EVC: variants seen among roughly 807,000 people sequenced by gnomAD.
The protein encoded by EVC is evC complex member EVC.
A neutral mutation model predicts 118.9 loss-of-function variants in EVC; 116 were observed. The ratio of observed to expected loss-of-function variants is 0.98; its 90% CI spans 0.84 to 1.14. The LOEUF is 1.14. EVC is among the 50% of genes most tolerant of loss of function. EVC has a pLI of 0.00. For missense variants in EVC, 1,401 were observed against 1,246.4 expected (o/e 1.12, Z -1.87); for synonymous variants, 619 against 534.7 (o/e 1.16, Z -2.18).
At chr4:5,745,391 G>C (rs144142557) in intron 7 of EVC, 50 bp downstream of exon 7, 1 of 1,594,854 alleles carries the variant, frequency 6.3e-7, no homozygotes, top group Non-Finnish European at 8.6e-7. Flanking sequence ...TCCTAAAACA[G>C]TTAAATTGGC....
chr4:5,756,412 G>A lies in EVC; in HGVS notation c.1563+50G>A, dbSNP rs1472717138. On this transcript the variant is annotated intron_variant, in intron 11 of 20. Transcript: ENST00000264956. The surrounding 1 kb of genome is among the most constrained non-coding windows in gnomAD (Gnocchi z 4.2). ...CAGAGAAGCCCCAGGGTCTGTGTGT[G>A]TGCGAGAACCTCACATCCTCCTGGC... 2 of 1,488,092 alleles carry A rather than the reference G, an allele frequency of 1.3e-6. No homozygotes were observed. Among genetic ancestry groups the A allele is most frequent in the Admixed American group, 1.9e-5 (1 of 52,412 alleles). The allele number at this position is 1,488,092 out of a possible 1,614,324, so 92.2% of individuals were successfully genotyped here. A position where few individuals can be genotyped will look rare whatever the true frequency, so the allele number is the denominator to read the frequency against.
At chr4:5,771,069 A>C (rs1733875095) in intron 11 of EVC, among the ~76,000 whole-genome samples, 3 of 152,158 alleles carry the variant, frequency 2.0e-5, no homozygotes, top group Admixed American at 2.0e-4. Flanking sequence ...GTCATTCTGA[A>C]GATGTCATAT....
downstream of EVC, among the ~76,000 whole-genome samples, chr4:5,816,486 C>T (rs186701476): frequency 6.6e-6 from 1 of 152,306 alleles, no homozygotes; most frequent in Admixed American, 6.5e-5. Context: ...GCCTGGGCCC[C>T]AGGACTTCTT....
rs1433555910 is a variant in EVC at position 5,738,878 on chromosome 4, T to C, written c.703-2838T>C. On this transcript the variant is annotated intron_variant, in intron 5 of 20. Transcript: ENST00000264956. This position sits in a 1 kb window ranked among gnomAD's most constrained non-coding sequence, Gnocchi z 6.5. Reference sequence around the variant, plus strand: ...ACCGCACCCAGCCCAACAACTTTTTTTTAATAATCATCTTAGGCTCAGATG... The same window carrying C: ...ACCGCACCCAGCCCAACAACTTTTTCTTAATAATCATCTTAGGCTCAGATG... Among the ~76,000 whole-genome samples, 1 of 152,188 alleles carries C rather than the reference T, an allele frequency of 6.6e-6. No homozygotes were observed. Among genetic ancestry groups the C allele is most frequent in the Non-Finnish European group, 1.5e-5 (1 of 68,038 alleles).
At position 5,777,486 on chromosome 4, in the gene EVC, A is replaced by G. The variant is rs938030476; in HGVS notation, c.1564-6066A>G. Among the ~76,000 whole-genome samples, 10 of 152,106 alleles carry G rather than the reference A, an allele frequency of 6.6e-5. No homozygotes were observed. In the South Asian group the frequency reaches 2.1e-3, roughly 32 times the overall value. On this transcript the variant is annotated intron_variant, in intron 11 of 20. Coordinates refer to ENST00000264956, the MANE Select transcript of EVC (RefSeq NM_153717.3). ...CTGTTCAGCCATCCCCTCTGAATCA[A>G]CCAACACTCCCTAGGTAAAAGCCGC...
At chr4:5,780,062 A>C (rs1735339804) in intron 11 of EVC, among the ~76,000 whole-genome samples, 1 of 152,122 alleles carries the variant, frequency 6.6e-6, no homozygotes, top group African/African-American at 2.4e-5. Context: ...GGGTTGTTGA[A>C]TTTTGTCAAA....
intron 12 of EVC, among the ~76,000 whole-genome samples, chr4:5,792,721 T>A (rs1713028897): frequency 6.6e-6 from 1 of 152,226 alleles, no homozygotes; most frequent in South Asian, 2.1e-4. Context: ...AAGATTGCTC[T>A]GAAATGTCAC....
Position 5,715,978 on chromosome 4 carries a change from G to A in EVC, c.175-3270G>A, listed in dbSNP as rs540728717. Among the ~76,000 whole-genome samples the A allele has an allele frequency of 2.0e-5, 3 of 152,258 alleles. No homozygotes were observed. The East Asian group carries it at 5.8e-4, about 29-fold the overall frequency. The stretch of plus-strand genomic sequence containing the variant: ...AGTCTGGTCTCGAACTCCTGAGCTC[G>A]TGATCCACCTGCCTCGGCCTCCCAG... On this transcript the variant is annotated intron_variant, in intron 1 of 20. Transcript: ENST00000264956.
In EVC at chr4:5,729,342, A is replaced by G; in HGVS notation, c.336A>G (p.Ala112=). 6.2e-7 allele frequency: 1 copy of G among 1,614,086 alleles called. No individual in the cohort carries two copies. The highest frequency in any genetic ancestry group is 1.7e-5 in the Admixed American group (1 of 60,010). The stretch of plus-strand genomic sequence containing the variant: ...CGCCTTCCAACAGCAATATCACAGC[A>G]TTCGCCCTGAAGGCCAAAGTCATCT... The part of the protein sequence containing the change: ...CEPPSNSNIT[A]FALKAKVIYP... The change falls in exon 3 of 21, where the codon GCA becomes GCG. Residue 112 remains alanine, a synonymous_variant. Coordinates refer to ENST00000264956, the MANE Select transcript of EVC (RefSeq NM_153717.3).
Position 5,746,693 on chromosome 4 carries a change from T to C in EVC, c.939+1352T>C, listed in dbSNP as rs576152715. On this transcript the variant is annotated intron_variant, in intron 7 of 20. Coordinates refer to ENST00000264956, the MANE Select transcript of EVC (RefSeq NM_153717.3). This position sits in a 1 kb window ranked among gnomAD's most constrained non-coding sequence, Gnocchi z 5.8. ...TGTCTGCCTTTCTCAGGGACAGGGTTCAGAATTTTCATAAGATTCTCCAAA... is the reference window on the plus strand; with the variant it reads ...TGTCTGCCTTTCTCAGGGACAGGGTCCAGAATTTTCATAAGATTCTCCAAA... Among the ~76,000 whole-genome samples, 36 of 152,296 alleles carry C rather than the reference T, an allele frequency of 2.4e-4. No individual in the cohort carries two copies. The highest frequency in any genetic ancestry group is 7.9e-4 in the African/African-American group (33 of 41,564).
At chr4:5,819,897 A>T in the EVC span, among the ~76,000 whole-genome samples, 54,965 of 151,842 alleles carry the variant, frequency 0.36, 10,920 homozygotes, top group African/African-American at 0.55. Context: ...ACCTTGACAA[A>T]GGTATCCACA....
In EVC at chr4:5,747,871, G is replaced by C. The variant is rs762732029; in HGVS notation, c.940-277G>C. Among the ~76,000 whole-genome samples the C allele has an allele frequency of 7.6e-4, 116 of 152,272 alleles. 1 individual carries two copies. The highest frequency in any genetic ancestry group is 4.9e-4 in the Non-Finnish European group (33 of 68,034). Reference sequence around the variant, plus strand: ...GTAATGACCTGTGCAAGAGTCTGTAGGCTGGACAAGCTACTGCTTTCTTTC... The same window carrying C: ...GTAATGACCTGTGCAAGAGTCTGTACGCTGGACAAGCTACTGCTTTCTTTC... On this transcript the variant is annotated intron_variant, in intron 7 of 20. Transcript: ENST00000264956.
intron 16 of EVC, among the ~76,000 whole-genome samples, chr4:5,802,807 C>T (rs375545467): frequency 1.3e-5 from 2 of 152,306 alleles, no homozygotes; most frequent in East Asian, 3.9e-4. Context: ...TGAAGCTTCG[C>T]TCACTCATCT....
In EVC at chr4:5,746,038, G is replaced by T. The variant is rs1577409781; in HGVS notation, c.939+697G>T. Among the ~76,000 whole-genome samples, 1 of 152,226 alleles carries T rather than the reference G, an allele frequency of 6.6e-6. No individual in the cohort carries two copies. Among genetic ancestry groups the T allele is most frequent in the South Asian group, 2.1e-4 (1 of 4,830 alleles). Reference sequence around the variant, plus strand: ...AGAAGAAGGGACCATGGAGAGGCTGGCCGGGAGAAGTGTGGGTGCTGGCCA... The same window carrying T: ...AGAAGAAGGGACCATGGAGAGGCTGTCCGGGAGAAGTGTGGGTGCTGGCCA... On this transcript the variant is annotated intron_variant, in intron 7 of 20. Transcript: ENST00000264956. The surrounding 1 kb of genome is among the most constrained non-coding windows in gnomAD (Gnocchi z 5.8).
intron 12 of EVC, among the ~76,000 whole-genome samples, chr4:5,792,955 T>C (rs1713068881): frequency 6.6e-6 from 1 of 152,202 alleles, no homozygotes; most frequent in Admixed American, 6.5e-5. Flanking sequence ...TTTCCAAAGA[T>C]GGCGATTCTC....
At chr4:5,736,222 T>TA (rs1310762627) in intron 5 of EVC, among the ~76,000 whole-genome samples, 3 of 152,138 alleles carry the variant, frequency 2.0e-5, no homozygotes, top group African/African-American at 7.2e-5. Flanking sequence ...GCTAGAATAT[T>TA]ACTTTGATTG....
chr4:5,752,784 C>T (rs1306824117), intron 8 of EVC, 52 bp from the exon 9 acceptor site: 16 of 1,583,110 alleles, frequency 1.0e-5, no homozygotes, highest in Non-Finnish European at 1.3e-5. Context: ...TTAACATGCC[C>T]TGGTGGTTCC....
At chr4:5,721,683 A>T (rs947202446) in intron 2 of EVC, among the ~76,000 whole-genome samples, 1 of 152,182 alleles carries the variant, frequency 6.6e-6, no homozygotes, top group Non-Finnish European at 1.5e-5. Context: ...CCTGGCCAAC[A>T]TGGTGAAACC....
In EVC at chr4:5,797,071, C is replaced by T. The variant is rs762391134; in HGVS notation, c.1936C>T (p.Leu646Phe). 7 of 1,613,380 alleles carry T rather than the reference C, an allele frequency of 4.3e-6. No individual in the cohort carries two copies. The East Asian group carries it at 1.6e-4, about 36-fold the overall frequency. ...QGHDLLLRSA[L>F]RRLALRGNAL... ...GCATGACCTGCTGTTGCGCTCAGCC[C>T]TCCGGAGGCTGGCACTCCGCGGCAA... The change falls in exon 14 of 21, where the codon CTC (leucine) becomes TTC (phenylalanine). Residue 646 changes from leucine (L) to phenylalanine (F), a missense_variant. Coordinates refer to ENST00000264956, the MANE Select transcript of EVC (RefSeq NM_153717.3).
Sources: allele counts gnomAD v4.1 joint callset (sites outside exome capture counted in the v4.1 genomes callset), GRCh38; gene constraint gnomAD v4.1.1; non-coding constraint Gnocchi (gnomAD v3.1); transcripts MANE v1.5; gene names NCBI Gene and HGNC (gene_info 2026-07-23, HGNC 2026-07-21).